GADL1: variants seen among roughly 807,000 people sequenced by gnomAD.
GADL1 encodes acidic amino acid decarboxylase GADL1.
Under a neutral mutation model 69.5 loss-of-function variants are expected in GADL1, and 71 were observed. That is an observed-to-expected ratio of 1.02 (90% CI 0.84 to 1.25). GADL1 has a LOEUF of 1.25. GADL1 is among the 50% of genes most tolerant of loss of function. The pLI is 0.00. For missense variants in GADL1, 737 were observed against 631.8 expected (o/e 1.17, Z -1.79); for synonymous variants, 254 against 214.4 (o/e 1.18, Z -1.62).
At chr3:30,808,178 A>T (rs1341442019) in intron 11 of GADL1, among the ~76,000 whole-genome samples, 1 of 150,892 alleles carries the variant, frequency 6.6e-6, no homozygotes, top group Non-Finnish European at 1.5e-5. Context: ...CAGGGCAGAG[A>T]GGTGGAAAAA....
chr3:30,844,325 C>T, intron 7 of GADL1, 61 bp from the exon 8 acceptor site: 3 of 1,553,996 alleles, frequency 1.9e-6, no homozygotes, highest in South Asian at 2.2e-5. Flanking sequence ...AATGATACTG[C>T]TTTATAAACC....
intron 1 of GADL1, among the ~76,000 whole-genome samples, chr3:30,882,934 T>C (rs1353047460): frequency 3.3e-5 from 5 of 151,954 alleles, no homozygotes; most frequent in Non-Finnish European, 7.4e-5. Context: ...GTGAGCATCT[T>C]TGCGTACATT....
intron 14 of GADL1, among the ~76,000 whole-genome samples, chr3:30,754,351 C>T (rs1437873521): frequency 7.1e-6 from 1 of 140,656 alleles, no homozygotes; most frequent in African/African-American, 2.8e-5. Flanking sequence ...CAAGTAATAT[C>T]TTAGCTTCCT....
chr3:30,780,795 T>C (rs1696649908), intron 13 of GADL1, among the ~76,000 whole-genome samples: 1 of 152,216 alleles, frequency 6.6e-6, no homozygotes, highest in South Asian at 2.1e-4. Context: ...ATAAAGCCCT[T>C]CTGACACTTC....
At chr3:30,808,275 C>T (rs946416820) in intron 11 of GADL1, among the ~76,000 whole-genome samples, 3 of 152,080 alleles carry the variant, frequency 2.0e-5, no homozygotes, top group Non-Finnish European at 1.5e-5. Flanking sequence ...GTGGGCAGAT[C>T]ACTTGAGGTC....
At chr3:30,863,724 T>C (rs529232834) in intron 1 of GADL1, among the ~76,000 whole-genome samples, 28 of 151,400 alleles carry the variant, frequency 1.8e-4, no homozygotes, top group African/African-American at 5.8e-4. Context: ...AAAAAACCCT[T>C]CTAAATATAT....
intron 9 of GADL1, among the ~76,000 whole-genome samples, chr3:30,836,264 G>A (rs1334222490): frequency 1.3e-5 from 2 of 151,788 alleles, no homozygotes; most frequent in Non-Finnish European, 2.9e-5. Flanking sequence ...TCTCCAAAAA[G>A]GTAAATAATC....
chr3:30,814,275 C>T (rs1306545514), intron 11 of GADL1, among the ~76,000 whole-genome samples: 2 of 152,064 alleles, frequency 1.3e-5, no homozygotes, highest in Non-Finnish European at 2.9e-5. Flanking sequence ...GTTCATTTAC[C>T]CACTGAGAAA....
intron 4 of GADL1, among the ~76,000 whole-genome samples, chr3:30,851,411 G>A (rs114056226): frequency 0.012 from 1,797 of 152,144 alleles, 37 homozygotes; most frequent in African/African-American, 0.041. Context: ...CCTGAACCAG[G>A]GCTTCCTCTA....
chr3:30,766,383 T>A (rs2125489017), intron 14 of GADL1, among the ~76,000 whole-genome samples: 1 of 152,306 alleles, frequency 6.6e-6, no homozygotes, highest in East Asian at 1.9e-4. Context: ...TGCTTGGTAA[T>A]GCTCTACTGT....
At chr3:30,864,387 TACAC>T (rs912154714) in intron 1 of GADL1, among the ~76,000 whole-genome samples, 2 of 150,756 alleles carry the variant, frequency 1.3e-5, no homozygotes, top group Non-Finnish European at 1.5e-5. Context: ...GTCACACACA[TACAC>T]ACACACGATA....
rs114019459 is a variant in GADL1 at position 30,753,242 on chromosome 3, A to G, written c.1393-24827T>C. ...CCCTTCAGATTGTGTGAATGGAGAT[A>G]GTTCCAATCTACGTTACATGATCTA... On this transcript the variant is annotated intron_variant, in intron 14 of 14. Coordinates refer to ENST00000282538, the MANE Select transcript of GADL1 (RefSeq NM_207359.3). 3.8e-3 allele frequency among the ~76,000 whole-genome samples: 582 copies of G among 152,264 alleles called. 6 individuals carry two copies. The highest frequency in any genetic ancestry group is 0.013 in the African/African-American group (550 of 41,552).
At chr3:30,832,209 A>C (rs952399930) in intron 11 of GADL1, among the ~76,000 whole-genome samples, 1 of 151,924 alleles carries the variant, frequency 6.6e-6, no homozygotes, top group Non-Finnish European at 1.5e-5. Context: ...TTTTCATTAA[A>C]AAAAAAATTG....
rs781191853 is a variant in GADL1, at chr3:30,786,428, ATAT to A, written c.1251-25_1251-23del. ...GTACCTAAAATTAAAAGTCACAATA[ATAT>A]TTATAATCTGCAATGTAAAAGTGTC... On this transcript the variant is annotated intron_variant, in intron 12 of 14. Coordinates refer to ENST00000282538, the MANE Select transcript of GADL1 (RefSeq NM_207359.3). 27 of 1,202,810 alleles carry A rather than the reference ATAT, an allele frequency of 2.2e-5. No homozygotes were observed. In the Middle Eastern group the frequency reaches 7.6e-4, roughly 34 times the overall value. The allele number at this position is 1,202,810 out of a possible 1,614,324, so 74.5% of individuals were successfully genotyped here.
At chr3:30,871,780 C>A (rs1416150381) in intron 1 of GADL1, among the ~76,000 whole-genome samples, 1 of 151,784 alleles carries the variant, frequency 6.6e-6, no homozygotes, top group African/African-American at 2.4e-5. Flanking sequence ...AAACACCATC[C>A]AGCTTCTGAG....
chr3:30,817,679 T>C (rs141973917), intron 11 of GADL1, among the ~76,000 whole-genome samples: 471 of 152,324 alleles, frequency 3.1e-3, no homozygotes, highest in Non-Finnish European at 5.0e-3. Context: ...AAGTTGAATA[T>C]TGAAATGGCA....
chr3:30,880,995 A>G (rs1430911962), intron 1 of GADL1, among the ~76,000 whole-genome samples: 1 of 151,888 alleles, frequency 6.6e-6, no homozygotes, highest in Non-Finnish European at 1.5e-5. Flanking sequence ...CAAATGGAGA[A>G]AGTAAGGAAA....
chr3:30,789,275 T>C (rs1162449282), intron 12 of GADL1, among the ~76,000 whole-genome samples: 1 of 152,214 alleles, frequency 6.6e-6, no homozygotes, highest in African/African-American at 2.4e-5. Context: ...ACTAGGTGCG[T>C]TGTCAATGAG....
intron 14 of GADL1, among the ~76,000 whole-genome samples, chr3:30,769,071 T>A (rs1295571512): frequency 1.3e-5 from 2 of 152,184 alleles, no homozygotes; most frequent in Non-Finnish European, 2.9e-5. Flanking sequence ...TTTTGCTCCA[T>A]GAACTCAAGT....
Sources: gnomAD v4.1 joint callset for allele counts (sites outside exome capture counted in the v4.1 genomes callset) on GRCh38, gnomAD v4.1.1 for gene constraint, MANE v1.5 for transcripts, NCBI Gene and HGNC (gene_info 2026-07-23, HGNC 2026-07-21) for gene names.